The following PTPRM variants were observed in gnomAD, a reference collection of about 807,000 sequenced individuals.
PTPRM encodes the protein receptor-type tyrosine-protein phosphatase mu.
Under a neutral mutation model 186.7 loss-of-function variants are expected in PTPRM, and 47 were observed. The observed-to-expected ratio is 0.25, with a 90% CI of 0.20 to 0.32. PTPRM has a LOEUF of 0.32. Among genes scored for constraint, PTPRM ranks in the 10% least tolerant of loss-of-function variants. PTPRM has a pLI of 1.00. For missense variants in PTPRM, 1,494 were observed against 1,865.0 expected (o/e 0.80, Z 3.66); for synonymous variants, 668 against 674.9 (o/e 0.99, Z 0.16).
intron 7 of PTPRM, among the ~76,000 whole-genome samples, chr18:8,029,138 C>A (rs927670945): frequency 6.6e-6 from 1 of 152,172 alleles, no homozygotes; most frequent in Non-Finnish European, 1.5e-5. Context: ...GTTTGACCAC[C>A]CTGACATACC....
Position 7,942,418 on chromosome 18 carries a change from A to G in PTPRM, c.664-6763A>G, listed in dbSNP as rs947338917. On this transcript the variant is annotated intron_variant, in intron 5 of 32. Transcript: ENST00000580170. ...AAGTGTGATTGAGGGACAACAGGGC[A>G]GGATCTGATGGTAATAAGCGGGGTG... Among the ~76,000 whole-genome samples, 4 of 152,172 alleles carry G rather than the reference A, an allele frequency of 2.6e-5. 1 individual carries two copies. The highest frequency in any genetic ancestry group is 2.6e-4 in the Admixed American group (4 of 15,280).
chr18:7,584,195 G>A (rs978295961), intron 1 of PTPRM, among the ~76,000 whole-genome samples: 12 of 152,096 alleles, frequency 7.9e-5, no homozygotes, highest in African/African-American at 2.9e-4. Flanking sequence ...GAGAATATTA[G>A]CATTTTTCAG....
intron 13 of PTPRM, among the ~76,000 whole-genome samples, chr18:8,141,225 A>G (rs929761022): frequency 6.6e-6 from 1 of 152,166 alleles, no homozygotes; most frequent in African/African-American, 2.4e-5. Context: ...TTGTGTTTAC[A>G]CTGATGCTTC....
chr18:8,221,550 A>T (rs1179383534), intron 14 of PTPRM, among the ~76,000 whole-genome samples: 1 of 152,214 alleles, frequency 6.6e-6, no homozygotes, highest in Admixed American at 6.5e-5. Flanking sequence ...AAATTTATAG[A>T]TAGAAAAACG....
chr18:7,637,159 C>A (rs1218293201), intron 1 of PTPRM, among the ~76,000 whole-genome samples: 7 of 143,050 alleles, frequency 4.9e-5, no homozygotes, highest in East Asian at 2.0e-4. Flanking sequence ...CAGAGCGAGA[C>A]CCTGACTCAA....
intron 1 of PTPRM, among the ~76,000 whole-genome samples, chr18:7,729,126 G>T (rs1281991979): frequency 6.6e-6 from 1 of 151,876 alleles, no homozygotes; most frequent in East Asian, 1.9e-4. Context: ...ACCCAGGCTG[G>T]TCTCAAACTC....
At chr18:7,836,497 C>T (rs1052703271) in intron 2 of PTPRM, among the ~76,000 whole-genome samples, 1 of 151,966 alleles carries the variant, frequency 6.6e-6, no homozygotes, top group African/African-American at 2.4e-5. Flanking sequence ...AACATAAGTT[C>T]ATTGTTTATT....
At chr18:7,624,323 C>T (rs956861243) in intron 1 of PTPRM, among the ~76,000 whole-genome samples, 1 of 152,144 alleles carries the variant, frequency 6.6e-6, no homozygotes, top group African/African-American at 2.4e-5. Context: ...CAGAGTACAT[C>T]CTTAAAGGGA....
intron 20 of PTPRM, among the ~76,000 whole-genome samples, chr18:8,307,728 C>T (rs544088133): frequency 2.0e-5 from 3 of 151,984 alleles, no homozygotes; most frequent in African/African-American, 7.2e-5. Flanking sequence ...TGCTTGAACC[C>T]AGGAGGCAGA....
chr18:7,985,328 TATA>T, intron 7 of PTPRM, among the ~76,000 whole-genome samples: 1 of 129,696 alleles, frequency 7.7e-6, no homozygotes, highest in South Asian at 2.4e-4. Flanking sequence ...AATATATACA[TATA>T]ATTGTATATA....
At chr18:7,603,076 C>T (rs894489328) in intron 1 of PTPRM, among the ~76,000 whole-genome samples, 24 of 151,744 alleles carry the variant, frequency 1.6e-4, no homozygotes, top group African/African-American at 2.7e-4. Context: ...TACAGGTGCC[C>T]GCCACCACGC....
At chr18:7,783,596 G>A (rs992500969) in intron 2 of PTPRM, among the ~76,000 whole-genome samples, 1 of 151,996 alleles carries the variant, frequency 6.6e-6, no homozygotes, top group South Asian at 2.1e-4. Context: ...TTTAGAGATG[G>A]GGTCTTGCTT....
chr18:8,094,952 T>C (rs1394219384), intron 11 of PTPRM, among the ~76,000 whole-genome samples: 1 of 152,158 alleles, frequency 6.6e-6, no homozygotes, highest in Non-Finnish European at 1.5e-5. Flanking sequence ...TGTTAAAAAT[T>C]CCATCTTAAG....
At chr18:7,978,591 GT>G (rs2055118007) in intron 7 of PTPRM, among the ~76,000 whole-genome samples, 3 of 152,264 alleles carry the variant, frequency 2.0e-5, no homozygotes, top group Admixed American at 1.3e-4. Flanking sequence ...CGAGGCGAAT[GT>G]TGGTAACACT....
At chr18:8,378,931 G>A (rs1375085382) in intron 27 of PTPRM, among the ~76,000 whole-genome samples, 3 of 152,100 alleles carry the variant, frequency 2.0e-5, no homozygotes, top group Non-Finnish European at 4.4e-5. Context: ...TAATTCTAGG[G>A]ACCCACAGTG....
chr18:7,980,217 C>T (rs2082473538), intron 7 of PTPRM, among the ~76,000 whole-genome samples: 1 of 152,076 alleles, frequency 6.6e-6, no homozygotes, highest in Admixed American at 6.5e-5. Context: ...CTCTGCACCA[C>T]ATCAATCATA....
intron 14 of PTPRM, among the ~76,000 whole-genome samples, chr18:8,242,633 A>G (rs55916964): frequency 0.61 from 92,941 of 152,106 alleles, 29,058 homozygotes; most frequent in Middle Eastern, 0.74. Flanking sequence ...GTTTAAAAAT[A>G]TGTCTCTTTT....
At chr18:7,886,044 A>G (rs917411590) in intron 2 of PTPRM, among the ~76,000 whole-genome samples, 1 of 152,166 alleles carries the variant, frequency 6.6e-6, no homozygotes, top group Non-Finnish European at 1.5e-5. Context: ...GAGAGATACA[A>G]TATTCTTGGC....
At chr18:8,212,836 A>C (rs1457596697) in intron 14 of PTPRM, among the ~76,000 whole-genome samples, 1 of 152,168 alleles carries the variant, frequency 6.6e-6, no homozygotes, top group Non-Finnish European at 1.5e-5. Context: ...ACATTGTATA[A>C]ATATAAAACA....
Sources: allele counts gnomAD v4.1 joint callset (sites outside exome capture counted in the v4.1 genomes callset), GRCh38; gene constraint gnomAD v4.1.1; transcripts MANE v1.5; gene names NCBI Gene and HGNC (gene_info 2026-07-23, HGNC 2026-07-21).